Variants in BCL9 observed in about 807,000 individuals in gnomAD.
The protein encoded by BCL9 is B-cell CLL/lymphoma 9 protein.
BCL9 carries 25 observed loss-of-function variants against 88.5 expected under a neutral mutation model. That is an observed-to-expected ratio of 0.28 (90% CI 0.21 to 0.39). The LOEUF (loss-of-function observed/expected upper bound fraction) is 0.39, where lower values mean the gene tolerates loss of function less well. Ranked by LOEUF, BCL9 falls within the 10% of genes least tolerant of loss-of-function variation. The probability of loss-of-function intolerance (pLI) is 1.00; values close to 1 mark genes in which losing one functional copy is unlikely to be tolerated. For synonymous variants in BCL9, 711 were observed against 673.3 expected, an observed-to-expected ratio of 1.06 and a Z score of -0.87; for missense variants, 1,817 against 1,877.8, an observed-to-expected ratio of 0.97 and a Z score of 0.60.
At chr1:147,583,257 TTTTA>T (rs202003460) in intron 1 of BCL9, among the ~76,000 whole-genome samples, 8 of 152,018 alleles carry the variant, frequency 5.3e-5, no homozygotes, top group East Asian at 1.9e-4. Context: ...ACTGTTTGCC[TTTTA>T]TTTATTTATT....
chr1:147,566,561 C>T (rs1403598659), intron 1 of BCL9, among the ~76,000 whole-genome samples: 2 of 151,614 alleles, frequency 1.3e-5, no homozygotes, highest in African/African-American at 4.8e-5. Flanking sequence ...TCGAGACCAT[C>T]CTGGCTAACA....
At chr1:147,561,256 T>C (rs1655363677) in intron 1 of BCL9, among the ~76,000 whole-genome samples, 1 of 152,192 alleles carries the variant, frequency 6.6e-6, no homozygotes, top group South Asian at 2.1e-4. Flanking sequence ...TGGTTTTACA[T>C]TATTTCCCAT....
intron 1 of BCL9, among the ~76,000 whole-genome samples, chr1:147,545,918 AG>A (rs1553194211): frequency 6.6e-6 from 1 of 152,200 alleles, no homozygotes; most frequent in East Asian, 1.9e-4. Flanking sequence ...CAAGAAAATG[AG>A]GGGTGAAACT....
chr1:147,589,299 C>G (rs1656749624), intron 1 of BCL9, among the ~76,000 whole-genome samples: 1 of 152,194 alleles, frequency 6.6e-6, no homozygotes, highest in Non-Finnish European at 1.5e-5. Context: ...CCTCTTTTGT[C>G]TTCTACAAAT....
In BCL9 at chr1:147,620,795, G is replaced by C. The variant is rs202024690; in HGVS notation, c.2640G>C (p.Ser880=). The change falls in exon 8 of 10, where the codon TCG becomes TCC. Residue 880 remains serine, a synonymous_variant. Transcript: ENST00000234739. ...AGTCACCAATGCTGGGCTCGCCCTC[G>C]GGGAACCTCAAGTCCCCCCAGACTC... The part of the protein sequence containing the change: ...QVQSPMLGSP[S]GNLKSPQTPS... 6.8e-6 allele frequency: 11 copies of C among 1,613,970 alleles called. No individual in the cohort carries two copies. In the African/African-American group the frequency reaches 1.3e-4, roughly 20 times the overall value.
At chr1:147,623,799 AT>A (rs1219409947) in intron 9 of BCL9, 42 bp from the exon 10 acceptor site, 4 of 1,558,126 alleles carry the variant, frequency 2.6e-6, no homozygotes, top group Admixed American at 1.9e-5. Flanking sequence ...TTCTGAGTTG[AT>A]TTTTGGTTAA....
At chr1:147,561,210 G>T (rs1448240236) in intron 1 of BCL9, among the ~76,000 whole-genome samples, 2 of 152,118 alleles carry the variant, frequency 1.3e-5, no homozygotes, top group Non-Finnish European at 2.9e-5. Flanking sequence ...TTTCTCAAAA[G>T]AAACTGCTCA....
chr1:147,570,262 C>T (rs782641671), intron 1 of BCL9, among the ~76,000 whole-genome samples: 3 of 151,852 alleles, frequency 2.0e-5, no homozygotes, highest in Non-Finnish European at 2.9e-5. Context: ...TGGAGATCCC[C>T]GATATTTAAT....
Position 147,620,637 on chromosome 1 carries a change from C to G in BCL9, c.2482C>G (p.Pro828Ala), listed in dbSNP as rs1553205121. ...ACTACCTCTCAACCCTTCCAGTAAC[C>G]CCACCAGCCTCAACACAGCTCCTCC... ...PPLPLNPSSN[P>A]TSLNTAPPVQ... The change falls in exon 8 of 10, where the codon CCC (proline) becomes GCC (alanine). Residue 828 changes from proline (P) to alanine (A), a missense_variant. Transcript: ENST00000234739. 1 of 1,614,064 alleles carries G rather than the reference C, an allele frequency of 6.2e-7. No individual in the cohort carries two copies.
chr1:147,616,474 A>G (rs1553203886), intron 7 of BCL9, among the ~76,000 whole-genome samples: 1 of 152,220 alleles, frequency 6.6e-6, no homozygotes, highest in African/African-American at 2.4e-5. Context: ...TCCATTAGAA[A>G]AAGCATACAG....
chr1:147,568,372 T>G (rs1212503180), intron 1 of BCL9, among the ~76,000 whole-genome samples: 1 of 152,164 alleles, frequency 6.6e-6, no homozygotes, highest in African/African-American at 2.4e-5. Context: ...AGTTTTGAGT[T>G]AGAAGGAATC....
intron 3 of BCL9, among the ~76,000 whole-genome samples, chr1:147,607,933 C>G (rs1657805198): frequency 6.6e-6 from 1 of 152,030 alleles, no homozygotes; most frequent in Admixed American, 6.6e-5. Flanking sequence ...AGAGAACTTG[C>G]AGCATGAGAA....
intron 1 of BCL9, among the ~76,000 whole-genome samples, chr1:147,597,076 G>A (rs1303703443): frequency 6.6e-6 from 1 of 152,174 alleles, no homozygotes; most frequent in Non-Finnish European, 1.5e-5. Flanking sequence ...GAATACTGCT[G>A]TGGAGTCTTG....
intron 1 of BCL9, among the ~76,000 whole-genome samples, chr1:147,576,361 C>G (rs74923026): frequency 2.0e-5 from 3 of 152,088 alleles, no homozygotes; most frequent in Non-Finnish European, 4.4e-5. Flanking sequence ...TCTATGCATA[C>G]GCAAATATAT....
chr1:147,594,884 A>C (rs1373734337), intron 1 of BCL9, among the ~76,000 whole-genome samples: 1 of 152,210 alleles, frequency 6.6e-6, no homozygotes, highest in African/African-American at 2.4e-5. Flanking sequence ...CCCTTTGGAT[A>C]AATTGGGAAT....
At chr1:147,588,624 G>A (rs1444897708) in intron 1 of BCL9, among the ~76,000 whole-genome samples, 1 of 152,132 alleles carries the variant, frequency 6.6e-6, no homozygotes, top group East Asian at 1.9e-4. Flanking sequence ...AGGAGGAAGA[G>A]GAGGATTTGT....
chr1:147,581,830 A>G (rs899707621), intron 1 of BCL9, among the ~76,000 whole-genome samples: 2 of 152,074 alleles, frequency 1.3e-5, no homozygotes, highest in Non-Finnish European at 2.9e-5. Context: ...AGGTTTTTAC[A>G]TCTAGGTTGC....
chr1:147,570,345 C>A (rs1273349802), intron 1 of BCL9, among the ~76,000 whole-genome samples: 3 of 152,250 alleles, frequency 2.0e-5, no homozygotes, highest in African/African-American at 7.2e-5. Context: ...AAGAGAACTT[C>A]AGGAAGCATT....
intron 1 of BCL9, among the ~76,000 whole-genome samples, chr1:147,604,000 T>C (rs1222005237): frequency 6.6e-6 from 1 of 152,202 alleles, no homozygotes; most frequent in African/African-American, 2.4e-5. Context: ...TAATAAAATA[T>C]AGCTGCAGGT....
Sources: gnomAD v4.1 joint callset for allele counts (sites outside exome capture counted in the v4.1 genomes callset) on GRCh38, gnomAD v4.1.1 for gene constraint, MANE v1.5 for transcripts, NCBI Gene and HGNC (gene_info 2026-07-23, HGNC 2026-07-21) for gene names.